Variants in ASIC2 observed in about 807,000 individuals in gnomAD.
ASIC2 encodes acid sensing ion channel subunit 2.
A neutral mutation model predicts 57.3 loss-of-function variants in ASIC2; 25 were observed. The observed-to-expected ratio is 0.44, with a 90% CI of 0.32 to 0.61. The LOEUF is 0.61. Ranked by LOEUF, ASIC2 falls within the 20% of genes least tolerant of loss-of-function variation. The pLI is 0.06. For missense variants in ASIC2, 641 were observed against 738.1 expected (o/e 0.87, Z 1.52); for synonymous variants, 319 against 307.5 (o/e 1.04, Z -0.39).
chr17:33,040,549 G>A (rs2091925767), intron 3 of ASIC2, among the ~76,000 whole-genome samples: 1 of 152,242 alleles, frequency 6.6e-6, no homozygotes, highest in South Asian at 2.1e-4. Flanking sequence ...ACAGATGGTG[G>A]TAGGTGGATG....
At chr17:34,025,534 G>T (rs1291159015) in intron 1 of ASIC2, among the ~76,000 whole-genome samples, 1 of 152,142 alleles carries the variant, frequency 6.6e-6, no homozygotes, top group Non-Finnish European at 1.5e-5. Context: ...CCAATTCCTG[G>T]TTTAGATTAC....
chr17:33,369,991 T>A (rs1164386027), intron 1 of ASIC2, among the ~76,000 whole-genome samples: 3 of 152,028 alleles, frequency 2.0e-5, no homozygotes, highest in Admixed American at 6.6e-5. Context: ...CCCAAAGAGG[T>A]CTGGATTCCT....
At chr17:33,298,480 C>A (rs918391638) in intron 1 of ASIC2, among the ~76,000 whole-genome samples, 1 of 152,196 alleles carries the variant, frequency 6.6e-6, no homozygotes. Flanking sequence ...GCCACATTTT[C>A]TTAATCCAGT....
intron 1 of ASIC2, among the ~76,000 whole-genome samples, chr17:33,797,373 G>T (rs1187764696): frequency 6.6e-6 from 1 of 152,200 alleles, no homozygotes; most frequent in Non-Finnish European, 1.5e-5. Context: ...AGGGAAGAAT[G>T]AAATCCCTTG....
chr17:33,671,080 T>C (rs1907624395), intron 1 of ASIC2, among the ~76,000 whole-genome samples: 1 of 152,194 alleles, frequency 6.6e-6, no homozygotes, highest in Non-Finnish European at 1.5e-5. Context: ...ACCTCTTATC[T>C]ATATCTGCAG....
rs189842016 is a variant in ASIC2, at chr17:33,491,209, C to A, written c.556-379142G>T. Among the ~76,000 whole-genome samples, 393 of 152,268 alleles carry A rather than the reference C, an allele frequency of 2.6e-3. 4 individuals are homozygous for A. Among genetic ancestry groups the A allele is most frequent in the Non-Finnish European group, 1.6e-3 (112 of 68,018 alleles). ...AGGACATCAAGCATCCAGAATAGAT[C>A]TTTTAGTGTACAACAAAGTGGGGTT... is the stretch of plus-strand genomic sequence containing the variant. On this transcript the variant is annotated intron_variant, in intron 1 of 9. Transcript: ENST00000359872.
chr17:33,357,996 T>G (rs1416655821), intron 1 of ASIC2, among the ~76,000 whole-genome samples: 1 of 152,178 alleles, frequency 6.6e-6, no homozygotes, highest in Non-Finnish European at 1.5e-5. Flanking sequence ...AAGCTGTATT[T>G]TAACAAGTAT....
chr17:33,372,724 A>T (rs1909123094), intron 1 of ASIC2, among the ~76,000 whole-genome samples: 1 of 152,102 alleles, frequency 6.6e-6, no homozygotes, highest in Admixed American at 6.5e-5. Context: ...GGATCTGGGC[A>T]GCCCATAGCC....
At chr17:33,622,481 A>G (rs1355219203) in intron 1 of ASIC2, among the ~76,000 whole-genome samples, 1 of 152,202 alleles carries the variant, frequency 6.6e-6, no homozygotes, top group African/African-American at 2.4e-5. Flanking sequence ...CTACCTTTCA[A>G]TCATATATTA....
chr17:34,065,196 A>G (rs905345165), intron 1 of ASIC2, among the ~76,000 whole-genome samples: 3 of 152,362 alleles, frequency 2.0e-5, no homozygotes, highest in Middle Eastern at 3.4e-3. Flanking sequence ...GTACTCAGCC[A>G]TGAAAAGGAA....
intron 1 of ASIC2, among the ~76,000 whole-genome samples, chr17:33,377,106 A>G (rs1029936900): frequency 2.0e-5 from 3 of 152,134 alleles, no homozygotes; most frequent in African/African-American, 7.2e-5. Flanking sequence ...GCTGGAGTGC[A>G]GTGGCTTGAT....
intron 1 of ASIC2, among the ~76,000 whole-genome samples, chr17:33,440,698 C>T (rs1205566987): frequency 1.3e-5 from 2 of 152,158 alleles, no homozygotes; most frequent in South Asian, 2.1e-4. Flanking sequence ...TCAATCTGCA[C>T]TTCCCTAATG....
At chr17:33,870,252 T>G (rs1440111985) in intron 1 of ASIC2, among the ~76,000 whole-genome samples, 1 of 132,594 alleles carries the variant, frequency 7.5e-6, no homozygotes, top group African/African-American at 2.8e-5. Flanking sequence ...TTTTTTTTTT[T>G]GTCTAAGCAC....
chr17:33,631,816 A>G (rs1906181382), intron 1 of ASIC2, among the ~76,000 whole-genome samples: 2 of 152,174 alleles, frequency 1.3e-5, no homozygotes, highest in East Asian at 1.9e-4. Context: ...ATATTCAAAT[A>G]AAGAAGGTTA....
At chr17:33,796,866 C>A (rs1327746142) in intron 1 of ASIC2, among the ~76,000 whole-genome samples, 1 of 152,174 alleles carries the variant, frequency 6.6e-6, no homozygotes, top group Non-Finnish European at 1.5e-5. Flanking sequence ...TGATCTTGTG[C>A]AAATCATTTA....
intron 1 of ASIC2, among the ~76,000 whole-genome samples, chr17:33,516,331 AGTGT>A (rs1250457030): frequency 6.6e-6 from 1 of 150,896 alleles, no homozygotes. Flanking sequence ...ACAGCGTATG[AGTGT>A]GTGTGTTTGT....
chr17:34,072,375 C>T (rs562049598), intron 1 of ASIC2: 1 of 152,140 alleles, frequency 6.6e-6, no homozygotes, highest in Non-Finnish European at 1.5e-5. Context: ...TTTTAAAAAA[C>T]CCTGTGAAGA....
At chr17:33,754,302 G>T (rs1305012138) in intron 1 of ASIC2, among the ~76,000 whole-genome samples, 1 of 152,102 alleles carries the variant, frequency 6.6e-6, no homozygotes, top group East Asian at 1.9e-4. Context: ...GGCAGGTGGC[G>T]TTCCTTCTGG....
intron 1 of ASIC2, among the ~76,000 whole-genome samples, chr17:33,201,098 C>A (rs1163926085): frequency 6.6e-6 from 1 of 152,202 alleles, no homozygotes; most frequent in African/African-American, 2.4e-5. Flanking sequence ...AACACATATT[C>A]CCTTCTCCTG....
Sources: allele counts gnomAD v4.1 joint callset (sites outside exome capture counted in the v4.1 genomes callset), GRCh38; gene constraint gnomAD v4.1.1; transcripts MANE v1.5; gene names NCBI Gene and HGNC (gene_info 2026-07-23, HGNC 2026-07-21).